Variants in SNX1 observed in about 807,000 individuals in gnomAD.
The protein encoded by SNX1 is sorting nexin-1.
Under a neutral mutation model 71.8 loss-of-function variants are expected in SNX1, and 36 were observed. That is an observed-to-expected ratio of 0.50 (90% CI 0.38 to 0.66). The LOEUF (loss-of-function observed/expected upper bound fraction) is 0.66. Among genes scored for constraint, SNX1 ranks in the 30% least tolerant of loss-of-function variants. The pLI is 0.00. For synonymous variants in SNX1, 254 were observed against 240.7 expected (o/e 1.06, Z -0.51); for missense variants, 612 against 646.7 (o/e 0.95, Z 0.58).
At position 64,143,278 on chromosome 15, in the gene SNX1, T is replaced by A. The variant is rs1334111338; in HGVS notation, c.*5660T>A. ...AGGGTCGTGCCTGATCTGAGATAAA[T>A]GGACAAGAACAACTGAAGCCTGTCT... On this transcript the variant is annotated 3_prime_UTR_variant, in exon 15 of 15. Coordinates refer to ENST00000559844, the MANE Select transcript of SNX1 (RefSeq NM_003099.5). 6.6e-6 allele frequency: 1 copy of A among 152,296 alleles called. No individual in the cohort carries two copies. Among genetic ancestry groups the A allele is most frequent in the Non-Finnish European group, 1.5e-5 (1 of 68,106 alleles). The allele number at this position is 152,296 out of a possible 1,614,324, so 9.4% of individuals were successfully genotyped here.
At position 64,138,232 on chromosome 15, in the gene SNX1, G is replaced by C. The variant is rs2081381488; in HGVS notation, c.*614G>C. ...TCTGTTTCGTATTCCCACTTCTTTAGGGAAGGAGTTTTAAAAACATCTCTT... is the reference window on the plus strand; with the variant it reads ...TCTGTTTCGTATTCCCACTTCTTTACGGAAGGAGTTTTAAAAACATCTCTT... On this transcript the variant is annotated 3_prime_UTR_variant, in exon 15 of 15. Transcript: ENST00000559844. The C allele has an allele frequency of 6.8e-7, 1 of 1,477,928 alleles. No individual in the cohort carries two copies. Among genetic ancestry groups the C allele is most frequent in the East Asian group, 2.5e-5 (1 of 39,668 alleles). 91.6% of individuals were successfully genotyped at this position (1,477,928 alleles called of 1,614,324 possible).
intron 1 of SNX1, among the ~76,000 whole-genome samples, chr15:64,104,698 A>G (rs1021027202): frequency 1.3e-5 from 2 of 151,634 alleles, no homozygotes; most frequent in Non-Finnish European, 2.9e-5. Context: ...CAGCCTGGCC[A>G]ACATAGTGAA....
intron 1 of SNX1, among the ~76,000 whole-genome samples, chr15:64,097,150 G>T (rs536951130): frequency 1.3e-5 from 2 of 152,144 alleles, no homozygotes; most frequent in South Asian, 4.1e-4. Context: ...AGGCCGAGGT[G>T]AATTGGCGTC....
At chr15:64,099,577 A>T (rs1407580120) in intron 1 of SNX1, among the ~76,000 whole-genome samples, 1 of 152,228 alleles carries the variant, frequency 6.6e-6, no homozygotes, top group African/African-American at 2.4e-5. Context: ...ACTTGAGCCC[A>T]GGAGCTTGAG....
chr15:64,120,747 G>A (rs2081189111), intron 4 of SNX1, among the ~76,000 whole-genome samples: 1 of 152,110 alleles, frequency 6.6e-6, no homozygotes, highest in Non-Finnish European at 1.5e-5. Context: ...AGGCCGAGGT[G>A]GGAGGATCAT....
At chr15:64,120,691 A>C (rs2081188048) in intron 4 of SNX1, among the ~76,000 whole-genome samples, 1 of 152,072 alleles carries the variant, frequency 6.6e-6, no homozygotes. Context: ...AAAATAAAAA[A>C]TTACAGAGGC....
At chr15:64,110,256 C>T (rs2081065557) in intron 1 of SNX1, among the ~76,000 whole-genome samples, 1 of 152,202 alleles carries the variant, frequency 6.6e-6, no homozygotes, top group Non-Finnish European at 1.5e-5. Context: ...ATGGTCATGT[C>T]TATCTTCAGC....
At chr15:64,120,289 T>TTTTTTTTTA (rs2081183401) in intron 4 of SNX1, among the ~76,000 whole-genome samples, 4 of 77,928 alleles carry the variant, frequency 5.1e-5, no homozygotes, top group African/African-American at 1.9e-4. Flanking sequence ...TTTTTTTTTT[T>TTTTTTTTTA]GAGACGGGGT....
chr15:64,131,524 C>T, intron 10 of SNX1, 163 bp from the exon 11 acceptor site: 1 of 646,260 alleles, frequency 1.5e-6, no homozygotes, highest in East Asian at 2.7e-5. Flanking sequence ...TCTCTTTACT[C>T]TCTGAATACA....
At chr15:64,104,654 G>A (rs2081000186) in intron 1 of SNX1, among the ~76,000 whole-genome samples, 1 of 151,766 alleles carries the variant, frequency 6.6e-6, no homozygotes, top group African/African-American at 2.4e-5. Context: ...GGAGGCCAAG[G>A]CAGGTAGATC....
Position 64,138,307 on chromosome 15 carries a change from C to A in SNX1, c.*689C>A. The A allele has an allele frequency of 2.0e-6, 2 of 983,258 alleles. No individual in the cohort carries two copies. The highest frequency in any genetic ancestry group is 2.8e-6 in the Non-Finnish European group (2 of 715,774). 60.9% of individuals were successfully genotyped at this position (983,258 alleles called of 1,614,324 possible). A position where few individuals can be genotyped will look rare whatever the true frequency, so the allele number is the denominator to read the frequency against. On this transcript the variant is annotated 3_prime_UTR_variant, in exon 15 of 15. Coordinates refer to ENST00000559844, the MANE Select transcript of SNX1 (RefSeq NM_003099.5). ...AAAACCTATTCTCCTGCAAAGGAGGCAGAGACTTTCTCTCTCTCTTTTTTT... is the reference window on the plus strand; with the variant it reads ...AAAACCTATTCTCCTGCAAAGGAGGAAGAGACTTTCTCTCTCTCTTTTTTT...
At position 64,142,380 on chromosome 15, in the gene SNX1, G is replaced by A. The variant is rs2081423520; in HGVS notation, c.*4762G>A. 3.8e-6 allele frequency: 1 copy of A among 264,348 alleles called. No homozygotes were observed. Among genetic ancestry groups the A allele is most frequent in the South Asian group, 3.6e-5 (1 of 27,770 alleles). 16.4% of individuals were successfully genotyped at this position (264,348 alleles called of 1,614,324 possible). On this transcript the variant is annotated 3_prime_UTR_variant, in exon 15 of 15. Transcript: ENST00000559844. ...GGGAGGCCAGTTGCTTTAAGTAGGG[G>A]AGATAGAGTTAAAGGAGGCTTTGTT... is the stretch of plus-strand genomic sequence containing the variant.
intron 8 of SNX1, 143 bp downstream of exon 8, chr15:64,127,949 A>G: frequency 1.6e-6 from 1 of 622,898 alleles, no homozygotes; most frequent in East Asian, 2.9e-5. Flanking sequence ...TGAGAGTGAC[A>G]AGTATTTTTC....
chr15:64,123,694 TGG>T, intron 5 of SNX1, 148 bp downstream of exon 5: 1 of 654,068 alleles, frequency 1.5e-6, no homozygotes, highest in Non-Finnish European at 2.7e-6. Context: ...TGCATCCCCT[TGG>T]TAATCTCATC....
chr15:64,118,296 AC>A, intron 3 of SNX1, 52 bp downstream of exon 3: 1 of 1,557,268 alleles, frequency 6.4e-7, no homozygotes, highest in Non-Finnish European at 8.7e-7. Flanking sequence ...AGGACTGTGT[AC>A]GGCCAGTCTG....
intron 1 of SNX1, among the ~76,000 whole-genome samples, chr15:64,109,037 A>G (rs1451604573): frequency 6.6e-6 from 1 of 151,524 alleles, no homozygotes; most frequent in Non-Finnish European, 1.5e-5. Flanking sequence ...GTACTGTACA[A>G]TATGCGAGAG....
At chr15:64,137,036 GC>G in intron 14 of SNX1, 104 bp downstream of exon 14, 2 of 845,448 alleles carry the variant, frequency 2.4e-6, no homozygotes, top group Non-Finnish European at 3.9e-6. Context: ...CTTCTGAGGG[GC>G]TGGGCCCTCC....
chr15:64,108,711 G>A (rs1032385948), intron 1 of SNX1, among the ~76,000 whole-genome samples: 4 of 152,130 alleles, frequency 2.6e-5, no homozygotes, highest in African/African-American at 9.7e-5. Flanking sequence ...AAAAGAGTTG[G>A]GCACAGTGGC....
chr15:64,125,978 G>A lies in SNX1; in HGVS notation c.511-101G>A, dbSNP rs978541203. On this transcript the variant is annotated intron_variant, in intron 5 of 14. Transcript: ENST00000559844. ...TTATTTGCCAGGTGACTGAAGGGCA[G>A]GGATCTGGGAAATGGGTTTCTTTAA... 4 of 1,242,796 alleles carry A rather than the reference G, an allele frequency of 3.2e-6. No homozygotes were observed. In the African/African-American group the frequency reaches 6.0e-5, roughly 19 times the overall value. The allele number at this position is 1,242,796 out of a possible 1,614,324, so 77.0% of individuals were successfully genotyped here. A position where few individuals can be genotyped will look rare whatever the true frequency, so the allele number is the denominator to read the frequency against.
Sources: allele counts gnomAD v4.1 joint callset (sites outside exome capture counted in the v4.1 genomes callset), GRCh38; gene constraint gnomAD v4.1.1; transcripts MANE v1.5; gene names NCBI Gene and HGNC (gene_info 2026-07-23, HGNC 2026-07-21).